ZNF585B: variants seen among roughly 807,000 people sequenced by gnomAD.
ZNF585B encodes zinc finger protein 585B, also known as zinc finger protein 41-like protein.
A neutral mutation model predicts 14.0 loss-of-function variants in ZNF585B; 7 were observed. That is an observed-to-expected ratio of 0.50 (90% confidence interval 0.28 to 0.94). The LOEUF (loss-of-function observed/expected upper bound fraction) is 0.94, where lower values mean the gene tolerates loss of function less well. Among genes scored for constraint, ZNF585B ranks in the 40% least tolerant of loss-of-function variants. The probability of loss-of-function intolerance (pLI) is 0.09; values close to 1 mark genes in which losing one functional copy is unlikely to be tolerated. For missense variants in ZNF585B, 750 were observed against 924.4 expected (o/e 0.81, Z 2.45); for synonymous variants, 290 against 317.3 (o/e 0.91, Z 0.91).
At chr19:37,208,477 T>C (rs1972611092) in intron 1 of ZNF585B, among the ~76,000 whole-genome samples, 1 of 152,112 alleles carries the variant, frequency 6.6e-6, no homozygotes, top group South Asian at 2.1e-4. Context: ...TGTTTCCTAA[T>C]TATATGTTTA....
chr19:37,200,160 T>C lies in ZNF585B; in HGVS notation c.72+6880A>G, dbSNP rs111990875. ...GCTAAGAATGTGGTTATGTAAATTT[T>C]TGAAAAATAAATTGGCAGAACTCAG... On this transcript the variant is annotated intron_variant, in intron 2 of 4. Coordinates refer to ENST00000532828, the MANE Select transcript of ZNF585B (RefSeq NM_152279.4). Among the ~76,000 whole-genome samples the C allele has an allele frequency of 6.8e-3, 1,036 of 152,072 alleles. 17 individuals carry two copies. Among genetic ancestry groups the C allele is most frequent in the African/African-American group, 0.024 (995 of 41,518 alleles).
intron 2 of ZNF585B, among the ~76,000 whole-genome samples, chr19:37,204,849 C>T (rs1323735923): frequency 2.0e-5 from 3 of 151,618 alleles, no homozygotes; most frequent in African/African-American, 7.3e-5. Context: ...TAGGTTCAAG[C>T]GATTCTCCTG....
chr19:37,198,864 A>G (rs972688475), intron 2 of ZNF585B: 7 of 779,400 alleles, frequency 9.0e-6, no homozygotes, highest in East Asian at 2.8e-5. Context: ...ATGAGCATGC[A>G]GATGGAAGTG....
intron 2 of ZNF585B, among the ~76,000 whole-genome samples, chr19:37,200,560 A>AG: frequency 6.6e-6 from 1 of 151,286 alleles, no homozygotes; most frequent in East Asian, 1.9e-4. Context: ...AAAAAAAAAA[A>AG]AAAAAAAAAG....
rs1039374199 is a variant in ZNF585B, at chr19:37,207,334, C to A, written c.-143-80G>T. 1.6e-5 allele frequency: 18 copies of A among 1,102,804 alleles called. No homozygotes were observed. In the East Asian group the frequency reaches 5.2e-4, roughly 32 times the overall value. 68.3% of individuals were successfully genotyped at this position (1,102,804 alleles called of 1,614,324 possible). ...GGATACACCAAGGTGCAGGTCCCTG[C>A]GCTAGAAACCAGAGCAGTGGTTCCC... On this transcript the variant is annotated intron_variant, in intron 1 of 4. Coordinates refer to ENST00000532828, the MANE Select transcript of ZNF585B (RefSeq NM_152279.4).
At chr19:37,195,295 G>A (rs530985087) in intron 2 of ZNF585B, among the ~76,000 whole-genome samples, 1 of 123,764 alleles carries the variant, frequency 8.1e-6, no homozygotes, top group Non-Finnish European at 1.6e-5. Context: ...GCAGTGAGCC[G>A]AGATCATGCC....
chr19:37,191,785 T>A (rs1014580363), intron 2 of ZNF585B, among the ~76,000 whole-genome samples: 1 of 151,778 alleles, frequency 6.6e-6, no homozygotes, highest in African/African-American at 2.4e-5. Flanking sequence ...TGTAATCCCA[T>A]CACTTTGGGA....
At position 37,185,983 on chromosome 19, in the gene ZNF585B, C is replaced by T. The variant is rs763599097; in HGVS notation, c.1554G>A (p.Gly518=). Residue 518 remains glycine (G), a synonymous_variant, in exon 5 of 5, where the codon GGG becomes GGA. Coordinates refer to ENST00000532828, the MANE Select transcript of ZNF585B (RefSeq NM_152279.4). ...AAGTATTGCATTCATAAGGCTTCTC[C>T]CCAGTATGGATTCTCTGATGTGTAA... ...DLITHQRIHT[G]EKPYECNTCG... is the part of the protein sequence containing the mutation. 1 of 1,613,488 alleles carries T rather than the reference C, an allele frequency of 6.2e-7. No individual in the cohort carries two copies. Among genetic ancestry groups the T allele is most frequent in the Non-Finnish European group, 8.5e-7 (1 of 1,179,910 alleles).
intron 1 of ZNF585B, among the ~76,000 whole-genome samples, chr19:37,209,562 CAT>C (rs1363571067): frequency 1.1e-4 from 17 of 151,926 alleles, no homozygotes; most frequent in Admixed American, 4.6e-4. Flanking sequence ...ATATATATAA[CAT>C]ATGATTAATA....
chr19:37,198,248 T>C lies in ZNF585B; in HGVS notation c.73-8098A>G, dbSNP rs191681955. Among the ~76,000 whole-genome samples, 275 of 152,182 alleles carry C rather than the reference T, an allele frequency of 1.8e-3. 4 individuals are homozygous for C. Among genetic ancestry groups the C allele is most frequent in the African/African-American group, 6.3e-3 (263 of 41,568 alleles). On this transcript the variant is annotated intron_variant, in intron 2 of 4. Coordinates refer to ENST00000532828, the MANE Select transcript of ZNF585B (RefSeq NM_152279.4). ...GTGTAATGGCGTGATCTTGGCTTAC[T>C]GCAACCTCCGCCTCCCGTGTTCAAG...
rs1308839013 is a variant in ZNF585B, at chr19:37,187,172, T to G, written c.365A>C (p.Lys122Thr). The G allele has an allele frequency of 1.2e-6, 2 of 1,613,566 alleles. No individual in the cohort carries two copies. The highest frequency in any genetic ancestry group is 1.7e-5 in the Admixed American group (1 of 59,900). Residue 122 changes from lysine (K) to threonine (T), a missense_variant, in exon 5 of 5, where the codon AAA (lysine) becomes ACA (threonine). Physicochemically the swap from Lys to Thr is moderately conservative, Grantham distance 78. This residue lies in a region of ZNF585B where 517 missense variants were observed against 570.3 expected (regional missense o/e 0.91). Coordinates refer to ENST00000532828, the MANE Select transcript of ZNF585B (RefSeq NM_152279.4). ...GYKPASSQDQ[K>T]IYSGEKSYEC... ...ATAGGATTTTTCCCCAGAATAAATT[T>G]TTTGATCTTGAGAGGAAGCTGGTTT... is the stretch of plus-strand genomic sequence containing the variant.
rs942923677 is a variant in ZNF585B at position 37,183,296 on chromosome 19, T to C, written c.*1931A>G. 1.3e-5 allele frequency: 2 copies of C among 152,172 alleles called. No individual in the cohort carries two copies. Among genetic ancestry groups the C allele is most frequent in the African/African-American group, 4.8e-5 (2 of 41,406 alleles). The allele number at this position is 152,172 out of a possible 1,614,324, so 9.4% of individuals were successfully genotyped here. A position where few individuals can be genotyped will look rare whatever the true frequency, so the allele number is the denominator to read the frequency against. On this transcript the variant is annotated 3_prime_UTR_variant, in exon 5 of 5. Coordinates refer to ENST00000532828, the MANE Select transcript of ZNF585B (RefSeq NM_152279.4). ...AAAAGCCTGGTGTGTTTTAGCCAAG[T>C]TGGTTCTCCCTATTAGCGCTTCTTA...
intron 2 of ZNF585B, among the ~76,000 whole-genome samples, chr19:37,204,755 T>G (rs1325485530): frequency 6.6e-6 from 1 of 151,686 alleles, no homozygotes; most frequent in South Asian, 2.1e-4. Context: ...TTTTTCTTTT[T>G]TTTTTTTTTG....
At chr19:37,200,924 C>G (rs1025532222) in intron 2 of ZNF585B, among the ~76,000 whole-genome samples, 2 of 151,762 alleles carry the variant, frequency 1.3e-5, no homozygotes, top group African/African-American at 4.8e-5. Flanking sequence ...AACCCCATCT[C>G]TACTAAAAAT....
At chr19:37,201,247 C>CA (rs1319570196) in intron 2 of ZNF585B, among the ~76,000 whole-genome samples, 2 of 151,932 alleles carry the variant, frequency 1.3e-5, no homozygotes, top group East Asian at 1.9e-4. Flanking sequence ...GAATTCTCAC[C>CA]AAAAAAATTA....
At chr19:37,192,819 T>C (rs770773152) in intron 2 of ZNF585B, among the ~76,000 whole-genome samples, 1 of 135,272 alleles carries the variant, frequency 7.4e-6, no homozygotes, top group Non-Finnish European at 1.6e-5. Context: ...CAAAAATAAA[T>C]AAACAAATAA....
chr19:37,186,934 A>G lies in ZNF585B; in HGVS notation c.603T>C (p.Leu201=), dbSNP rs772243800. ...CGGTATGAATTCTGTGATGCCTGAA[A>G]AGAGACGATACTTGAAAAAAGGATT... The part of the protein sequence containing the change: ...CGKSFFQVSS[L]FRHHRIHTGE... The change falls in exon 5 of 5, where the codon CTT becomes CTC. Residue 201 remains leucine, a synonymous_variant. Transcript: ENST00000532828. The G allele has an allele frequency of 7.4e-6, 12 of 1,614,036 alleles. No individual in the cohort carries two copies. The highest frequency in any genetic ancestry group is 1.1e-5 in the South Asian group (1 of 91,084).
intron 2 of ZNF585B, among the ~76,000 whole-genome samples, chr19:37,202,640 GT>G (rs74179495): frequency 4.8e-4 from 66 of 137,768 alleles, no homozygotes; most frequent in East Asian, 1.3e-3. Flanking sequence ...TATTTGCATG[GT>G]TTTTTTTTTT....
Position 37,181,691 on chromosome 19 carries a change from A to C in ZNF585B, c.*3536T>G, listed in dbSNP as rs1568503885. ...ACTTCCAGACAATAGCATATTATTC[A>C]ATGAGAAAAAAAAAAAAAAAAGAGC... On this transcript the variant is annotated 3_prime_UTR_variant, in exon 5 of 5. Transcript: ENST00000532828. 6.6e-6 allele frequency: 1 copy of C among 150,876 alleles called. No individual in the cohort carries two copies. Among genetic ancestry groups the C allele is most frequent in the East Asian group, 2.0e-4 (1 of 5,034 alleles). The allele number at this position is 150,876 out of a possible 1,614,324, so 9.3% of individuals were successfully genotyped here.
Sources: allele counts gnomAD v4.1 joint callset (sites outside exome capture counted in the v4.1 genomes callset), GRCh38; gene constraint gnomAD v4.1.1; regional missense constraint gnomAD v4.1.1; transcripts MANE v1.5; gene names NCBI Gene and HGNC (gene_info 2026-07-23, HGNC 2026-07-21).